The following KLF6 variants were observed in gnomAD, a reference collection of about 807,000 sequenced individuals.
KLF6 encodes KLF transcription factor 6, also known as Krueppel-like factor 6.
For synonymous variants in KLF6, 152 were observed against 147.9 expected (o/e 1.03, Z -0.20); for missense variants, 233 against 359.8 (o/e 0.65, Z 2.85).
rs1336101105 is a variant in KLF6, at chr10:3,780,571, T to G, written c.677-342A>C. 1 of 394,062 alleles carries G rather than the reference T, an allele frequency of 2.5e-6. No homozygotes were observed. The highest frequency in any genetic ancestry group is 3.6e-5 in the Admixed American group (1 of 27,606). The allele number at this position is 394,062 out of a possible 1,614,324, so 24.4% of individuals were successfully genotyped here. On this transcript the variant is annotated intron_variant, in intron 2 of 3. Coordinates refer to ENST00000497571, the MANE Select transcript of KLF6 (RefSeq NM_001300.6). The surrounding 1 kb of genome is among the most constrained non-coding windows in gnomAD (Gnocchi z 4.6). ...CACAGCCCCGGCAAAGGCAGAGCTA[T>G]TGCTTTCTTCATGGCAACTGTTTCT... is the stretch of plus-strand genomic sequence containing the variant.
Position 3,781,556 on chromosome 10 carries a change from C to A in KLF6, c.676+85G>T, listed in dbSNP as rs949336175. The A allele has an allele frequency of 6.3e-7, 1 of 1,575,500 alleles. No homozygotes were observed. On this transcript the variant is annotated intron_variant, in intron 2 of 3. Coordinates refer to ENST00000497571, the MANE Select transcript of KLF6 (RefSeq NM_001300.6). The surrounding 1 kb of genome is among the most constrained non-coding windows in gnomAD (Gnocchi z 5.8). ...TTGTCTGCCCTGACCACATCCTGTG[C>A]AGCCAGGCCCGGCTCCCTCCAGGGC...
chr10:3,779,430 T>C lies in KLF6; in HGVS notation c.*109A>G, dbSNP rs763163416. 41 of 965,978 alleles carry C rather than the reference T, an allele frequency of 4.2e-5. No homozygotes were observed. The highest frequency in any genetic ancestry group is 6.7e-5 in the Non-Finnish European group (40 of 601,308). 59.8% of individuals were successfully genotyped at this position (965,978 alleles called of 1,614,324 possible). A position where few individuals can be genotyped will look rare whatever the true frequency, so the allele number is the denominator to read the frequency against. ...TCCAAGGAGAGGCCCTGGAGGCAACTGGGTAGGGTGCAGAACGGCATGCTT... is the reference window on the plus strand; with the variant it reads ...TCCAAGGAGAGGCCCTGGAGGCAACCGGGTAGGGTGCAGAACGGCATGCTT... On this transcript the variant is annotated 3_prime_UTR_variant, in exon 4 of 4. Coordinates refer to ENST00000497571, the MANE Select transcript of KLF6 (RefSeq NM_001300.6).
At position 3,777,500 on chromosome 10, in the gene KLF6, C is replaced by G. The variant is rs1051313088; in HGVS notation, c.*2039G>C. ...GGGTTCCAGCATTCTGTTCAGGCCA[C>G]TTCTGAACGGCCGAAGGTGCCCCAT... On this transcript the variant is annotated 3_prime_UTR_variant, in exon 4 of 4. Transcript: ENST00000497571. 2.1e-5 allele frequency: 11 copies of G among 512,720 alleles called. No individual in the cohort carries two copies. Among genetic ancestry groups the G allele is most frequent in the African/African-American group, 2.1e-4 (11 of 52,624 alleles). The allele number at this position is 512,720 out of a possible 1,614,324, so 31.8% of individuals were successfully genotyped here.
chr10:3,779,293 A>C lies in KLF6; in HGVS notation c.*246T>G, dbSNP rs1832468226. ...GTGTGCATGCTCACGGCAAAGGCTTAGGCGCCGCTCGGAAGGGCGGGTACC... is the reference window on the plus strand; with the variant it reads ...GTGTGCATGCTCACGGCAAAGGCTTCGGCGCCGCTCGGAAGGGCGGGTACC... On this transcript the variant is annotated 3_prime_UTR_variant, in exon 4 of 4. Coordinates refer to ENST00000497571, the MANE Select transcript of KLF6 (RefSeq NM_001300.6). 1 of 651,096 alleles carries C rather than the reference A, an allele frequency of 1.5e-6. No individual in the cohort carries two copies. The highest frequency in any genetic ancestry group is 1.8e-5 in the African/African-American group (1 of 56,438). 40.3% of individuals were successfully genotyped at this position (651,096 alleles called of 1,614,324 possible).
intron 1 of KLF6, 80 bp downstream of exon 1, chr10:3,784,833 G>C (rs1393029000): frequency 7.4e-7 from 1 of 1,357,218 alleles, no homozygotes; most frequent in African/African-American, 1.5e-5. Flanking sequence ...GGACCGCAGA[G>C]AGCACCGGGT....
In KLF6 at chr10:3,778,098, A is replaced by G. The variant is rs771229410; in HGVS notation, c.*1441T>C. ...TTTAACACTGACAGTCAAGTTGCCT[A>G]AAGTGTTGAACAAATACTGACATGT... On this transcript the variant is annotated 3_prime_UTR_variant, in exon 4 of 4. Transcript: ENST00000497571. The G allele has an allele frequency of 4.6e-5, 24 of 516,362 alleles. No individual in the cohort carries two copies. Among genetic ancestry groups the G allele is most frequent in the Middle Eastern group, 5.3e-4 (1 of 1,876 alleles). The allele number at this position is 516,362 out of a possible 1,614,324, so 32.0% of individuals were successfully genotyped here.
rs1832600716 is a variant in KLF6 at position 3,784,397 on chromosome 10, C to A, written c.102+516G>T. Among the ~76,000 whole-genome samples the A allele has an allele frequency of 2.6e-5, 4 of 152,026 alleles. No homozygotes were observed. The South Asian group carries it at 6.2e-4, about 24-fold the overall frequency. On this transcript the variant is annotated intron_variant, in intron 1 of 3. Coordinates refer to ENST00000497571, the MANE Select transcript of KLF6 (RefSeq NM_001300.6). ...AGAGAAGCAGGGAAGACAAATAAGG[C>A]AGATCTAGGGGAAATGTTAGGCATT... is the stretch of plus-strand genomic sequence containing the variant.
Position 3,782,302 on chromosome 10 carries a change from A to C in KLF6, c.103-88T>G. 1 of 1,068,894 alleles carries C rather than the reference A, an allele frequency of 9.4e-7. No homozygotes were observed. The highest frequency in any genetic ancestry group is 1.4e-6 in the Non-Finnish European group (1 of 708,604). The allele number at this position is 1,068,894 out of a possible 1,614,324, so 66.2% of individuals were successfully genotyped here. A position where few individuals can be genotyped will look rare whatever the true frequency, so the allele number is the denominator to read the frequency against. ...CAATTTCCAAAAACATGCAAGAATG[A>C]AGGACAGATAACATTGCTGCCCGGT... On this transcript the variant is annotated intron_variant, in intron 1 of 3. Transcript: ENST00000497571. This position sits in a 1 kb window ranked among gnomAD's most constrained non-coding sequence, Gnocchi z 4.3.
At position 3,779,256 on chromosome 10, in the gene KLF6, T is replaced by G; in HGVS notation, c.*283A>C. 1.6e-6 allele frequency: 1 copy of G among 608,964 alleles called. No homozygotes were observed. The highest frequency in any genetic ancestry group is 3.3e-5 in the East Asian group (1 of 30,418). The allele number at this position is 608,964 out of a possible 1,614,324, so 37.7% of individuals were successfully genotyped here. On this transcript the variant is annotated 3_prime_UTR_variant, in exon 4 of 4. Coordinates refer to ENST00000497571, the MANE Select transcript of KLF6 (RefSeq NM_001300.6). ...CCTCAACATACAATCAACCCAACCA[T>G]TAGCATTCTCAGTGTGCATGCTCAC...
Position 3,777,842 on chromosome 10 carries a change from T to A in KLF6, c.*1697A>T. On this transcript the variant is annotated 3_prime_UTR_variant, in exon 4 of 4. Coordinates refer to ENST00000497571, the MANE Select transcript of KLF6 (RefSeq NM_001300.6). ...TCTGCCCACTTTTTTAAAAAAGTAGTATACTTTCTGTATTACCAACAGATA... is the reference window on the plus strand; with the variant it reads ...TCTGCCCACTTTTTTAAAAAAGTAGAATACTTTCTGTATTACCAACAGATA... 1 of 483,480 alleles carries A rather than the reference T, an allele frequency of 2.1e-6. No individual in the cohort carries two copies. The highest frequency in any genetic ancestry group is 4.9e-5 in the East Asian group (1 of 20,502). The allele number at this position is 483,480 out of a possible 1,614,324, so 29.9% of individuals were successfully genotyped here. A position where few individuals can be genotyped will look rare whatever the true frequency, so the allele number is the denominator to read the frequency against.
At position 3,776,932 on chromosome 10, in the gene KLF6, C is replaced by CTTTTTTTTTT; in HGVS notation, c.*2597_*2606dup. On this transcript the variant is annotated 3_prime_UTR_variant, in exon 4 of 4. Coordinates refer to ENST00000497571, the MANE Select transcript of KLF6 (RefSeq NM_001300.6). ...AAGCCAGTGCAAGTTTTTTTTTTTCCTTTTTTTTTTTTTGTCTTTTGCTTA... is the reference window on the plus strand; with the variant it reads ...AAGCCAGTGCAAGTTTTTTTTTTTCCTTTTTTTTTTTTTTTTTTTTTTTGTCTTTTGCTTA... The CTTTTTTTTTT allele has an allele frequency of 1.7e-5, 7 of 417,602 alleles. No homozygotes were observed. The highest frequency in any genetic ancestry group is 5.9e-5 in the Admixed American group (2 of 34,022). The allele number at this position is 417,602 out of a possible 1,614,324, so 25.9% of individuals were successfully genotyped here. A position where few individuals can be genotyped will look rare whatever the true frequency, so the allele number is the denominator to read the frequency against.
At position 3,779,429 on chromosome 10, in the gene KLF6, C is replaced by T. The variant is rs1245951712; in HGVS notation, c.*110G>A. The T allele has an allele frequency of 1.0e-6, 1 of 962,726 alleles. No homozygotes were observed. Among genetic ancestry groups the T allele is most frequent in the South Asian group, 1.3e-5 (1 of 75,216 alleles). The allele number at this position is 962,726 out of a possible 1,614,324, so 59.6% of individuals were successfully genotyped here. On this transcript the variant is annotated 3_prime_UTR_variant, in exon 4 of 4. Transcript: ENST00000497571. Reference sequence around the variant, plus strand: ...TTCCAAGGAGAGGCCCTGGAGGCAACTGGGTAGGGTGCAGAACGGCATGCT... The same window carrying T: ...TTCCAAGGAGAGGCCCTGGAGGCAATTGGGTAGGGTGCAGAACGGCATGCT...
intron 1 of KLF6, among the ~76,000 whole-genome samples, chr10:3,784,080 A>G (rs1832593402): frequency 6.6e-6 from 1 of 152,176 alleles, no homozygotes; most frequent in African/African-American, 2.4e-5. Context: ...GTGACGAAAA[A>G]CAAACAGCAC....
At position 3,778,930 on chromosome 10, in the gene KLF6, C is replaced by G. The variant is rs574995312; in HGVS notation, c.*609G>C. 1 of 534,874 alleles carries G rather than the reference C, an allele frequency of 1.9e-6. No individual in the cohort carries two copies. The highest frequency in any genetic ancestry group is 2.2e-5 in the Admixed American group (1 of 45,070). The allele number at this position is 534,874 out of a possible 1,614,324, so 33.1% of individuals were successfully genotyped here. ...CCAGACACTAAGAGTTCCTCTCACA[C>G]AGAAAAGGGGGAGAGAGGCTCTCCC... On this transcript the variant is annotated 3_prime_UTR_variant, in exon 4 of 4. Coordinates refer to ENST00000497571, the MANE Select transcript of KLF6 (RefSeq NM_001300.6).
chr10:3,780,504 C>T lies in KLF6; in HGVS notation c.677-275G>A, dbSNP rs370876539. The stretch of plus-strand genomic sequence containing the variant: ...CGTGGAAGAACGACCACGACTCAGA[C>T]CAGCAAAATGCTTGCGGGATGAGGT... On this transcript the variant is annotated intron_variant, in intron 2 of 3. Transcript: ENST00000497571. This position sits in a 1 kb window ranked among gnomAD's most constrained non-coding sequence, Gnocchi z 4.6. 1 of 504,966 alleles carries T rather than the reference C, an allele frequency of 2.0e-6. No individual in the cohort carries two copies. The highest frequency in any genetic ancestry group is 3.7e-5 in the East Asian group (1 of 26,896). The allele number at this position is 504,966 out of a possible 1,614,324, so 31.3% of individuals were successfully genotyped here.
chr10:3,776,732 T>C lies in KLF6; in HGVS notation c.*2807A>G, dbSNP rs1421309976. The C allele has an allele frequency of 4.2e-6, 2 of 473,480 alleles. No individual in the cohort carries two copies. Among genetic ancestry groups the C allele is most frequent in the East Asian group, 4.5e-5 (1 of 22,364 alleles). The allele number at this position is 473,480 out of a possible 1,614,324, so 29.3% of individuals were successfully genotyped here. On this transcript the variant is annotated 3_prime_UTR_variant, in exon 4 of 4. Transcript: ENST00000497571. ...AAAAAAAAAAAAGAAATTTCACTAA[T>C]AGAAATTTTTTTTTAATTTCAAGCA...
In KLF6 at chr10:3,780,868, G is replaced by C; in HGVS notation, c.677-639C>G. The C allele has an allele frequency of 5.9e-6, 1 of 169,492 alleles. No homozygotes were observed. Among genetic ancestry groups the C allele is most frequent in the Admixed American group, 5.5e-5 (1 of 18,284 alleles). 10.5% of individuals were successfully genotyped at this position (169,492 alleles called of 1,614,324 possible). A position where few individuals can be genotyped will look rare whatever the true frequency, so the allele number is the denominator to read the frequency against. On this transcript the variant is annotated intron_variant, in intron 2 of 3. Coordinates refer to ENST00000497571, the MANE Select transcript of KLF6 (RefSeq NM_001300.6). The surrounding 1 kb of genome is among the most constrained non-coding windows in gnomAD (Gnocchi z 4.6). ...GTATGTTGAGACAGGCCTGGGCCTG[G>C]ATATTGGGCCACCCGGATCTCAATC...
chr10:3,781,123 T>G lies in KLF6; in HGVS notation c.676+518A>C, dbSNP rs186525702. ...AGCGGTATCAGAAACAAAGGCTGCA[T>G]GAGACACGGAGAAGTTCTCAGGAAA... On this transcript the variant is annotated intron_variant, in intron 2 of 3. Coordinates refer to ENST00000497571, the MANE Select transcript of KLF6 (RefSeq NM_001300.6). The surrounding 1 kb of genome is among the most constrained non-coding windows in gnomAD (Gnocchi z 5.8). 1.4e-3 allele frequency: 302 copies of G among 215,944 alleles called. 3 individuals are homozygous for G. Among genetic ancestry groups the G allele is most frequent in the African/African-American group, 6.6e-3 (289 of 43,610 alleles). 13.4% of individuals were successfully genotyped at this position (215,944 alleles called of 1,614,324 possible).
In KLF6 at chr10:3,778,044, T is replaced by A; in HGVS notation, c.*1495A>T. 1 of 512,204 alleles carries A rather than the reference T, an allele frequency of 2.0e-6. No homozygotes were observed. 31.7% of individuals were successfully genotyped at this position (512,204 alleles called of 1,614,324 possible). Reference sequence around the variant, plus strand: ...GAAAGTCTCAAGGTGGCAGAATTGGTCAGATTTTTCCATTTTCCTGTTTTC... The same window carrying A: ...GAAAGTCTCAAGGTGGCAGAATTGGACAGATTTTTCCATTTTCCTGTTTTC... On this transcript the variant is annotated 3_prime_UTR_variant, in exon 4 of 4. Transcript: ENST00000497571.
Sources: allele counts gnomAD v4.1 joint callset (sites outside exome capture counted in the v4.1 genomes callset), GRCh38; gene constraint gnomAD v4.1.1; non-coding constraint Gnocchi (gnomAD v3.1); transcripts MANE v1.5; gene names NCBI Gene and HGNC (gene_info 2026-07-23, HGNC 2026-07-21).